FERMT2: variants seen among roughly 807,000 people sequenced by gnomAD.
FERMT2 encodes the protein fermitin family homolog 2.
A neutral mutation model predicts 82.7 loss-of-function variants in FERMT2; 15 were observed. The observed-to-expected ratio is 0.18, with a 90% CI of 0.12 to 0.28. The LOEUF (loss-of-function observed/expected upper bound fraction) is 0.28. Among genes scored for constraint, FERMT2 ranks in the 10% least tolerant of loss-of-function variants. The probability of loss-of-function intolerance (pLI) is 1.00; values close to 1 mark genes in which losing one functional copy is unlikely to be tolerated. For synonymous variants in FERMT2, 274 were observed against 271.5 expected (o/e 1.01, Z -0.09); for missense variants, 645 against 809.4 (o/e 0.80, Z 2.46).
At position 52,881,410 on chromosome 14, in the gene FERMT2, G is replaced by A. The variant is rs753495617; in HGVS notation, c.586C>T (p.His196Tyr). 3.7e-6 allele frequency: 6 copies of A among 1,613,970 alleles called. No individual in the cohort carries two copies. Among genetic ancestry groups the A allele is most frequent in the Non-Finnish European group, 5.1e-6 (6 of 1,179,990 alleles). Residue 196 changes from histidine to tyrosine, a missense_variant, in exon 5 of 15, where the codon CAT (histidine) becomes TAT (tyrosine). Transcript: ENST00000341590. ...SKTMTPTYDA[H>Y]DGSPLSPTSA... ...GTTGGTGACAAGGGGCTTCCATCAT[G>A]AGCATCATAAGTGGGGGTCATTGTT...
rs546231625 is a variant in FERMT2, at chr14:52,919,521, C to T, written c.158-165G>A. On this transcript the variant is annotated intron_variant, in intron 2 of 14. Coordinates refer to ENST00000341590, the MANE Select transcript of FERMT2 (RefSeq NM_006832.3). ...AAACATTAACAGCTGAGAAAACACGCTCTGTCCTGAAAAGCCAGTACACAA... is the reference window on the plus strand; with the variant it reads ...AAACATTAACAGCTGAGAAAACACGTTCTGTCCTGAAAAGCCAGTACACAA... 3.8e-4 allele frequency among the ~76,000 whole-genome samples: 58 copies of T among 152,322 alleles called. No homozygotes were observed. In the South Asian group the frequency reaches 0.012, roughly 31 times the overall value.
intron 2 of FERMT2, among the ~76,000 whole-genome samples, chr14:52,932,865 T>C (rs1889652457): frequency 6.6e-6 from 1 of 152,176 alleles, no homozygotes; most frequent in Non-Finnish European, 1.5e-5. Flanking sequence ...TCTACAACAC[T>C]ATCATCCAGG....
chr14:52,878,641 T>C lies in FERMT2; in HGVS notation c.904A>G (p.Ile302Val), dbSNP rs1208504631. 1 of 1,609,834 alleles carries C rather than the reference T, an allele frequency of 6.2e-7. No individual in the cohort carries two copies. The change falls in exon 7 of 15, where the codon ATT (isoleucine) becomes GTT (valine). Residue 302 changes from isoleucine to valine, a missense_variant. Transcript: ENST00000341590. ...GTGCATTCAATCTCTTCCAGGAGAA[T>C]GGCCCATTTGGCCTGCTCGTAAAGC... ...NQLYEQAKWA[I>V]LLEEIECTEE...
At chr14:52,950,622 A>G (rs149673698) in intron 1 of FERMT2, 45 bp from the exon 2 acceptor site, 2 of 1,573,002 alleles carry the variant, frequency 1.3e-6, no homozygotes, top group East Asian at 2.3e-5. Flanking sequence ...CACTCCCCCA[A>G]AGAAAGGCGA....
intron 3 of FERMT2, among the ~76,000 whole-genome samples, chr14:52,914,861 A>G (rs902372647): frequency 1.3e-5 from 2 of 152,192 alleles, no homozygotes; most frequent in East Asian, 3.8e-4. Flanking sequence ...TGGAGGTTGC[A>G]GTGAGCGAAG....
chr14:52,944,687 A>C (rs931860853), intron 2 of FERMT2, among the ~76,000 whole-genome samples: 4 of 152,248 alleles, frequency 2.6e-5, no homozygotes, highest in African/African-American at 9.6e-5. Flanking sequence ...TACCATACTT[A>C]ATGATCACGT....
Position 52,893,350 on chromosome 14 carries a change from C to T in FERMT2, c.469G>A (p.Asp157Asn). Residue 157 changes from aspartate (D) to asparagine (N), a missense_variant, in exon 4 of 15, where the codon GAC (aspartate) becomes AAC (asparagine). Asp to Asn is a conservative substitution (Grantham distance 23, BLOSUM62 1). Coordinates refer to ENST00000341590, the MANE Select transcript of FERMT2 (RefSeq NM_006832.3). ...PTKKKKKKLD[D>N]QSEDEALELE... ...TCAAGTGCCTCATCTTCAGACTGGT[C>T]ATCTAGCTTCTTCTTTTTTTTCTTT... 6.2e-7 allele frequency: 1 copy of T among 1,613,098 alleles called. No individual in the cohort carries two copies. The highest frequency in any genetic ancestry group is 1.1e-5 in the South Asian group (1 of 90,928).
intron 4 of FERMT2, among the ~76,000 whole-genome samples, chr14:52,890,528 C>T (rs1886880588): frequency 6.6e-6 from 1 of 151,372 alleles, no homozygotes; most frequent in African/African-American, 2.4e-5. Flanking sequence ...CTGTTATTGA[C>T]CAAAACATCA....
At chr14:52,897,748 G>A (rs1480742770) in intron 3 of FERMT2, among the ~76,000 whole-genome samples, 1 of 152,000 alleles carries the variant, frequency 6.6e-6, no homozygotes, top group Non-Finnish European at 1.5e-5. Context: ...AGGCTGAGAC[G>A]GGTGGATCAC....
At chr14:52,877,263 T>G (rs1456071669) in intron 7 of FERMT2, among the ~76,000 whole-genome samples, 1 of 152,192 alleles carries the variant, frequency 6.6e-6, no homozygotes, top group East Asian at 1.9e-4. Flanking sequence ...TTTACAGGTA[T>G]TATTATTCTA....
chr14:52,911,387 C>G (rs897414548), intron 3 of FERMT2, among the ~76,000 whole-genome samples: 2 of 152,010 alleles, frequency 1.3e-5, no homozygotes, highest in African/African-American at 2.4e-5. Flanking sequence ...CACAGTGGCT[C>G]ACACCTGTAA....
intron 3 of FERMT2, among the ~76,000 whole-genome samples, chr14:52,916,608 A>G (rs1404775326): frequency 3.9e-5 from 6 of 152,326 alleles, no homozygotes; most frequent in Non-Finnish European, 7.3e-5. Flanking sequence ...CCACAACAGT[A>G]GATACACGAG....
chr14:52,871,482 G>GA (rs1420279651), intron 10 of FERMT2: 2 of 152,242 alleles, frequency 1.3e-5, no homozygotes, highest in African/African-American at 4.8e-5. Flanking sequence ...TACCCCAAGT[G>GA]AGAGGCTCAT....
intron 10 of FERMT2, among the ~76,000 whole-genome samples, chr14:52,869,857 G>C (rs558000219): frequency 1.3e-5 from 2 of 152,290 alleles, no homozygotes; most frequent in South Asian, 2.1e-4. Flanking sequence ...CAGTGAGACA[G>C]GATGCAGAGG....
At chr14:52,870,176 C>T (rs1314511653) in intron 10 of FERMT2, among the ~76,000 whole-genome samples, 4 of 151,854 alleles carry the variant, frequency 2.6e-5, no homozygotes, top group African/African-American at 4.8e-5. Flanking sequence ...TATTCACTCA[C>T]CACCCATTCA....
At position 52,858,305 on chromosome 14, in the gene FERMT2, C is replaced by T; in HGVS notation, c.*72G>A. ...TAAATTTCAAGCTTACTTTATTAAG[C>T]AGCATATAACAAACAGCTTTTAAAG... is the stretch of plus-strand genomic sequence containing the variant. On this transcript the variant is annotated 3_prime_UTR_variant, in exon 15 of 15. Transcript: ENST00000341590. 7.7e-7 allele frequency: 1 copy of T among 1,298,750 alleles called. No individual in the cohort carries two copies. The highest frequency in any genetic ancestry group is 1.9e-5 in the Admixed American group (1 of 52,350). The allele number at this position is 1,298,750 out of a possible 1,614,324, so 80.5% of individuals were successfully genotyped here. A position where few individuals can be genotyped will look rare whatever the true frequency, so the allele number is the denominator to read the frequency against.
chr14:52,935,341 G>A (rs1204440692), intron 2 of FERMT2, among the ~76,000 whole-genome samples: 3 of 152,198 alleles, frequency 2.0e-5, no homozygotes, highest in Non-Finnish European at 2.9e-5. Flanking sequence ...AACTGAGGCA[G>A]TGTCAAATTA....
intron 2 of FERMT2, among the ~76,000 whole-genome samples, chr14:52,930,150 A>G (rs1195927451): frequency 6.6e-6 from 1 of 152,202 alleles, no homozygotes; most frequent in Non-Finnish European, 1.5e-5. Flanking sequence ...CAGAATTAAA[A>G]TATACTTCAA....
intron 2 of FERMT2, among the ~76,000 whole-genome samples, chr14:52,947,773 C>T (rs1890430697): frequency 1.3e-5 from 2 of 152,234 alleles, no homozygotes; most frequent in African/African-American, 2.4e-5. Context: ...TTGTTACAGA[C>T]CTCTTTGAGA....
Sources: allele counts gnomAD v4.1 joint callset (sites outside exome capture counted in the v4.1 genomes callset), GRCh38; gene constraint gnomAD v4.1.1; transcripts MANE v1.5; gene names NCBI Gene and HGNC (gene_info 2026-07-23, HGNC 2026-07-21).